Variants in MIB1 observed in about 807,000 individuals in gnomAD.
The protein encoded by MIB1 is MIB E3 ubiquitin protein ligase 1, also known as E3 ubiquitin-protein ligase MIB1.
In MIB1, 278 loss-of-function variants were observed where a neutral mutation model predicts 124.5. The ratio of observed to expected loss-of-function variants is 2.23; its 90% CI spans 2.02 to 2.47. The LOEUF is 2.47. Among genes scored for constraint, MIB1 ranks in the 30% most tolerant of loss-of-function variants. The pLI is 0.00. For synonymous variants in MIB1, 446 were observed against 429.4 expected (o/e 1.04, Z -0.48); for missense variants, 957 against 1,254.4 (o/e 0.76, Z 3.58).
chr18:21,736,331 A>G (rs998524716), upstream of MIB1, among the ~76,000 whole-genome samples: 17 of 152,220 alleles, frequency 1.1e-4, no homozygotes, highest in African/African-American at 4.1e-4. Flanking sequence ...GAATAGTATC[A>G]ACATCAACAA....
rs909450772 is a variant in MIB1 at position 21,784,804 on chromosome 18, C to T, written c.908+5119C>T. Among the ~76,000 whole-genome samples the T allele has an allele frequency of 2.6e-5, 4 of 152,002 alleles. No homozygotes were observed. The South Asian group carries it at 6.2e-4, about 24-fold the overall frequency. Reference sequence around the variant, plus strand: ...GGAAGGCACCTGTTACTTAGCAGACCGGGAAAGGGAGTCTCCCTTTCCCCG... The same window carrying T: ...GGAAGGCACCTGTTACTTAGCAGACTGGGAAAGGGAGTCTCCCTTTCCCCG... On this transcript the variant is annotated intron_variant, in intron 6 of 20. Coordinates refer to ENST00000261537, the MANE Select transcript of MIB1 (RefSeq NM_020774.4).
intron 20 of MIB1, among the ~76,000 whole-genome samples, chr18:21,863,229 C>T (rs998713196): frequency 3.9e-5 from 6 of 152,246 alleles, no homozygotes; most frequent in Non-Finnish European, 7.3e-5. Flanking sequence ...TCTCTTAGTT[C>T]TGCCGTCCAC....
chr18:21,767,548 A>G (rs968681191), intron 2 of MIB1, among the ~76,000 whole-genome samples: 1 of 148,332 alleles, frequency 6.7e-6, no homozygotes, highest in Admixed American at 6.7e-5. Context: ...AATAATGGCT[A>G]TTTTTTTTTT....
intron 1 of MIB1, among the ~76,000 whole-genome samples, chr18:21,722,077 C>T (rs181253232): frequency 7.9e-5 from 12 of 151,968 alleles, no homozygotes; most frequent in Admixed American, 3.3e-4. Flanking sequence ...GTTTTTAAGA[C>T]GGGGTCTTGC....
At chr18:21,792,497 C>G (rs1393301684) in intron 7 of MIB1, among the ~76,000 whole-genome samples, 1 of 152,168 alleles carries the variant, frequency 6.6e-6, no homozygotes, top group Non-Finnish European at 1.5e-5. Context: ...CTCCATTAGC[C>G]CTTCTGTCCT....
chr18:21,841,551 AAAATT>A (rs2042089442), intron 13 of MIB1, among the ~76,000 whole-genome samples: 1 of 152,236 alleles, frequency 6.6e-6, no homozygotes, highest in South Asian at 2.1e-4. Context: ...TAGAATGACT[AAAATT>A]AAAAGACCAA....
At chr18:21,754,178 A>G (rs1190581189) in intron 1 of MIB1, among the ~76,000 whole-genome samples, 2 of 152,184 alleles carry the variant, frequency 1.3e-5, no homozygotes, top group Admixed American at 6.5e-5. Flanking sequence ...CCTGTGTGGT[A>G]TCATTCCACC....
At chr18:21,714,793 TC>T (rs1205454095) in intron 1 of MIB1, among the ~76,000 whole-genome samples, 2 of 152,188 alleles carry the variant, frequency 1.3e-5, no homozygotes, top group Non-Finnish European at 2.9e-5. Context: ...AAATACCTGA[TC>T]AGGAGCTTTC....
intron 1 of MIB1, among the ~76,000 whole-genome samples, chr18:21,708,584 A>T (rs1490480122): frequency 6.6e-6 from 1 of 152,044 alleles, no homozygotes; most frequent in Non-Finnish European, 1.5e-5. Flanking sequence ...TGAACCCGGG[A>T]AGGCGGAGAT....
At chr18:21,732,199 G>A (rs1361500117) in intron 1 of MIB1, among the ~76,000 whole-genome samples, 1 of 151,818 alleles carries the variant, frequency 6.6e-6, no homozygotes, top group Non-Finnish European at 1.5e-5. Context: ...GTGGTGGTAT[G>A]TGCCTGTTAT....
At chr18:21,716,365 C>T (rs1022218612) in intron 1 of MIB1, among the ~76,000 whole-genome samples, 6 of 152,100 alleles carry the variant, frequency 3.9e-5, no homozygotes, top group African/African-American at 1.4e-4. Flanking sequence ...CTAAAAGGAG[C>T]TCTAAATCTT....
At chr18:21,757,231 C>T (rs894626136) in intron 1 of MIB1, among the ~76,000 whole-genome samples, 13 of 151,520 alleles carry the variant, frequency 8.6e-5, no homozygotes, top group African/African-American at 2.9e-4. Context: ...GTGGGTGGAT[C>T]GCTTGGGGTC....
chr18:21,784,874 C>A lies in MIB1; in HGVS notation c.908+5189C>A, dbSNP rs2041416357. Among the ~76,000 whole-genome samples, 3 of 152,268 alleles carry A rather than the reference C, an allele frequency of 2.0e-5. No homozygotes were observed. In the South Asian group the frequency reaches 6.2e-4, roughly 32 times the overall value. On this transcript the variant is annotated intron_variant, in intron 6 of 20. Transcript: ENST00000261537. ...TGCTCCACCACCTCTTGTGGAAGAT[C>A]TGACATCAGCCAGGCCCGCCCGCAG... is the stretch of plus-strand genomic sequence containing the variant.
chr18:21,762,742 TTTAG>T (rs1379207299), intron 1 of MIB1, among the ~76,000 whole-genome samples: 2 of 152,210 alleles, frequency 1.3e-5, no homozygotes, highest in African/African-American at 2.4e-5. Context: ...TTCAAATTAC[TTTAG>T]TTACTTTAGT....
At chr18:21,794,531 T>C (rs1022832464) in intron 7 of MIB1, among the ~76,000 whole-genome samples, 1 of 151,868 alleles carries the variant, frequency 6.6e-6, no homozygotes, top group Non-Finnish European at 1.5e-5. Flanking sequence ...GAAACAAATA[T>C]GAAAATTTGT....
At chr18:21,771,063 A>G (rs2041219250) in intron 3 of MIB1, among the ~76,000 whole-genome samples, 1 of 152,210 alleles carries the variant, frequency 6.6e-6, no homozygotes, top group African/African-American at 2.4e-5. Flanking sequence ...AAGTCTGATT[A>G]TTCTGCTATT....
At chr18:21,829,241 G>T in intron 12 of MIB1, 1 of 327,056 alleles carries the variant, frequency 3.1e-6, no homozygotes, top group African/African-American at 2.3e-5. Flanking sequence ...CTGAAGCATG[G>T]CATTAATGGT....
At chr18:21,795,233 T>C (rs943744537) in intron 7 of MIB1, among the ~76,000 whole-genome samples, 31 of 146,636 alleles carry the variant, frequency 2.1e-4, no homozygotes, top group Non-Finnish European at 4.3e-4. Flanking sequence ...CTAATTTCAG[T>C]ATTGCACATA....
rs1322934639 is a variant in MIB1 at position 21,844,269 on chromosome 18, C to A, written c.2211+16C>A. 1 of 1,612,520 alleles carries A rather than the reference C, an allele frequency of 6.2e-7. No homozygotes were observed. The highest frequency in any genetic ancestry group is 8.5e-7 in the Non-Finnish European group (1 of 1,179,042). ...CAAAAACACGGTGAGTAAAGATCAT[C>A]TTTCATTCAGTACCAGTGGAAGAAT... On this transcript the variant is annotated intron_variant, in intron 15 of 20. Coordinates refer to ENST00000261537, the MANE Select transcript of MIB1 (RefSeq NM_020774.4).
Sources: allele counts gnomAD v4.1 joint callset (sites outside exome capture counted in the v4.1 genomes callset), GRCh38; gene constraint gnomAD v4.1.1; transcripts MANE v1.5; gene names NCBI Gene and HGNC (gene_info 2026-07-23, HGNC 2026-07-21).